The following KIF1B variants were observed in gnomAD, a reference collection of about 807,000 sequenced individuals.
KIF1B encodes kinesin family member 1B.
Under a neutral mutation model 241.9 loss-of-function variants are expected in KIF1B, and 76 were observed. The ratio of observed to expected loss-of-function variants is 0.31; its 90% CI spans 0.26 to 0.38. KIF1B has a LOEUF of 0.38. Among genes scored for constraint, KIF1B ranks in the 10% least tolerant of loss-of-function variants. The probability of loss-of-function intolerance (pLI) is 1.00; values close to 1 mark genes in which losing one functional copy is unlikely to be tolerated. For synonymous variants in KIF1B, 750 were observed against 796.7 expected (o/e 0.94, Z 0.99); for missense variants, 1,622 against 2,271.4 (o/e 0.71, Z 5.81).
chr1:10,215,152 ATATATATATATATATATATATT>A (rs1185384456), intron 1 of KIF1B, among the ~76,000 whole-genome samples: 12 of 61,028 alleles, frequency 2.0e-4, no homozygotes, highest in Non-Finnish European at 3.5e-4. Context: ...ATATATATAT[ATATATATATATATATATATATT>A]TTTTTTTTTT....
At chr1:10,311,358 G>A (rs891748008) in intron 22 of KIF1B, among the ~76,000 whole-genome samples, 5 of 150,656 alleles carry the variant, frequency 3.3e-5, no homozygotes, top group South Asian at 2.1e-4. Context: ...ACAGGTGAAC[G>A]CCACCACACC....
At chr1:10,322,192 T>C (rs1284695647) in intron 24 of KIF1B, among the ~76,000 whole-genome samples, 2 of 152,196 alleles carry the variant, frequency 1.3e-5, no homozygotes, top group Non-Finnish European at 2.9e-5. Flanking sequence ...GTTATTAAGT[T>C]TGCACCTCTA....
intron 2 of KIF1B, among the ~76,000 whole-genome samples, chr1:10,235,215 A>C (rs1191595779): frequency 6.6e-6 from 1 of 152,008 alleles, no homozygotes; most frequent in Non-Finnish European, 1.5e-5. Context: ...CAGGATAAAA[A>C]GTGATCGAAG....
chr1:10,308,714 C>T, intron 22 of KIF1B: 1 of 777,328 alleles, frequency 1.3e-6, no homozygotes, highest in East Asian at 9.2e-5. Context: ...TAAACTAAAT[C>T]TTCTTTTTGA....
At position 10,338,126 on chromosome 1, in the gene KIF1B, A is replaced by T. The variant is rs867223246; in HGVS notation, c.3422+593A>T. Reference sequence around the variant, plus strand: ...ATTTTTTTGTGAATCTTCAGTTTTAATACCTCCAAACTTCAATTTGTCTTT... The same window carrying T: ...ATTTTTTTGTGAATCTTCAGTTTTATTACCTCCAAACTTCAATTTGTCTTT... On this transcript the variant is annotated intron_variant, in intron 31 of 48. Transcript: ENST00000676179. 1.1e-3 allele frequency among the ~76,000 whole-genome samples: 173 copies of T among 152,226 alleles called. 3 individuals are homozygous for T. The highest frequency in any genetic ancestry group is 0.01 in the Middle Eastern group (3 of 294).
At chr1:10,241,643 A>T (rs1425617299) in intron 2 of KIF1B, among the ~76,000 whole-genome samples, 1 of 152,166 alleles carries the variant, frequency 6.6e-6, no homozygotes, top group Admixed American at 6.5e-5. Flanking sequence ...TGTGCTTTGC[A>T]TGTTGTTGTT....
chr1:10,306,959 G>A, intron 22 of KIF1B: 1 of 1,041,668 alleles, frequency 9.6e-7, no homozygotes, highest in Non-Finnish European at 1.2e-6. Context: ...AGAATGAAGA[G>A]TTGTATAATA....
intron 24 of KIF1B, 81 bp from the exon 25 acceptor site, chr1:10,323,803 C>T: frequency 8.5e-7 from 1 of 1,170,814 alleles, no homozygotes; most frequent in South Asian, 1.3e-5. Flanking sequence ...ACCTCTTTCC[C>T]ATTGGGTATG....
chr1:10,339,754 AT>A lies in KIF1B; in HGVS notation c.3423-7del, dbSNP rs769645879. The A allele has an allele frequency of 1.9e-6, 3 of 1,546,796 alleles. No individual in the cohort carries two copies. The highest frequency in any genetic ancestry group is 1.5e-5 in the African/African-American group (1 of 68,630). ...TAATGCATTGTTCACGAGTCTTTTT[AT>A]TTTTTTTATGAAGCTTTTTGCATCG... On this transcript the variant is annotated splice_polypyrimidine_tract_variant and intron_variant, in intron 31 of 48. Coordinates refer to ENST00000676179, the MANE Select transcript of KIF1B (RefSeq NM_001365951.3).
chr1:10,262,633 A>AT (rs1160857199), intron 5 of KIF1B, among the ~76,000 whole-genome samples: 1 of 152,094 alleles, frequency 6.6e-6, no homozygotes, highest in Non-Finnish European at 1.5e-5. Flanking sequence ...ACATTTTTCT[A>AT]TTTTTTAATC....
intron 22 of KIF1B, among the ~76,000 whole-genome samples, chr1:10,314,014 C>T (rs1024718701): frequency 6.6e-6 from 1 of 151,298 alleles, no homozygotes; most frequent in Non-Finnish European, 1.5e-5. Context: ...CCTGCTCAGC[C>T]TTCCGAGTAG....
chr1:10,273,780 A>G (rs1648950736), intron 10 of KIF1B, among the ~76,000 whole-genome samples: 1 of 147,932 alleles, frequency 6.8e-6, no homozygotes. Flanking sequence ...GAGGCCAGCC[A>G]TGTAGTACCC....
At chr1:10,227,316 A>G (rs2102117464) in intron 1 of KIF1B, among the ~76,000 whole-genome samples, 1 of 152,218 alleles carries the variant, frequency 6.6e-6, no homozygotes, top group South Asian at 2.1e-4. Flanking sequence ...GACAGGCGTG[A>G]GCCACCGTGC....
chr1:10,306,412 C>T (rs1231021971), intron 22 of KIF1B: 1 of 1,015,952 alleles, frequency 9.8e-7, no homozygotes, highest in South Asian at 4.7e-5. Context: ...CATAAATGTG[C>T]TAACTATTCC....
At chr1:10,308,267 T>A in intron 22 of KIF1B, 2 of 1,060,570 alleles carry the variant, frequency 1.9e-6, no homozygotes, top group African/African-American at 3.3e-5. Context: ...TGTCCTGTAC[T>A]GTTAGAGCCA....
rs1199603940 is a variant in KIF1B, at chr1:10,224,451, C to T, written c.-79-7799C>T. On this transcript the variant is annotated intron_variant, in intron 1 of 48. Transcript: ENST00000676179. ...GTGTGTTTTTTTGAGATGTTGTTGG[C>T]TCTGTTGTCCAAACTGGAGTGCAGT... 3.9e-5 allele frequency among the ~76,000 whole-genome samples: 6 copies of T among 152,036 alleles called. No individual in the cohort carries two copies. In the South Asian group the frequency reaches 1.0e-3, roughly 26 times the overall value.
Position 10,342,146 on chromosome 1 carries a change from C to G in KIF1B, c.3610C>G (p.Leu1204Val), listed in dbSNP as rs950479247. The change falls in exon 33 of 49, where the codon CTG (leucine) becomes GTG (valine). Residue 1204 changes from leucine (L) to valine (V), a missense_variant. Physicochemically the swap from Leu to Val is conservative, Grantham distance 32. This residue lies in a region of KIF1B where 803 missense variants were observed against 1,112.0 expected (regional missense o/e 0.72). Coordinates refer to ENST00000676179, the MANE Select transcript of KIF1B (RefSeq NM_001365951.3). ...FGHYQQHPLH[L>V]QGQELNSPPQ... Reference sequence around the variant, plus strand: ...GCATTATCAGCAGCACCCACTTCATCTGCAAGGACAGGAGCTTAACAGGTT... The same window carrying G: ...GCATTATCAGCAGCACCCACTTCATGTGCAAGGACAGGAGCTTAACAGGTT... 4.3e-6 allele frequency: 7 copies of G among 1,610,322 alleles called. No homozygotes were observed. Among genetic ancestry groups the G allele is most frequent in the Non-Finnish European group, 5.9e-6 (7 of 1,176,510 alleles).
chr1:10,264,798 A>G (rs1569625998), intron 5 of KIF1B, among the ~76,000 whole-genome samples: 1 of 151,862 alleles, frequency 6.6e-6, no homozygotes, highest in South Asian at 2.1e-4. Flanking sequence ...AGAGGCTGGG[A>G]TTACAGGCTC....
intron 4 of KIF1B, among the ~76,000 whole-genome samples, chr1:10,259,291 C>G (rs1647977444): frequency 6.6e-6 from 1 of 151,482 alleles, no homozygotes; most frequent in African/African-American, 2.4e-5. Context: ...TGGTGAAAGA[C>G]ATAAGTATTT....
Sources: gnomAD v4.1 joint callset for allele counts (sites outside exome capture counted in the v4.1 genomes callset) on GRCh38, gnomAD v4.1.1 for gene constraint, gnomAD v4.1.1 regional missense constraint, MANE v1.5 for transcripts, NCBI Gene and HGNC (gene_info 2026-07-23, HGNC 2026-07-21) for gene names.